The following TPH1 variants were observed in gnomAD, a reference collection of about 807,000 sequenced individuals.
TPH1 encodes tryptophan 5-hydroxylase 1.
TPH1 carries 37 observed loss-of-function variants against 49.5 expected under a neutral mutation model. The observed-to-expected ratio is 0.75, with a 90% confidence interval of 0.58 to 0.98. The LOEUF (loss-of-function observed/expected upper bound fraction) is 0.98. Ranked by LOEUF, TPH1 falls within the 50% of genes least tolerant of loss-of-function variation. TPH1 has a pLI of 0.00. For synonymous variants in TPH1, 160 were observed against 182.1 expected (o/e 0.88, Z 0.98); for missense variants, 487 against 523.6 (o/e 0.93, Z 0.68).
At chr11:18,038,662 T>C (rs1848070333) in intron 2 of TPH1, among the ~76,000 whole-genome samples, 1 of 152,106 alleles carries the variant, frequency 6.6e-6, no homozygotes, top group African/African-American at 2.4e-5. Flanking sequence ...GCACACAAGG[T>C]TGCAAAAAAA....
In TPH1 at chr11:18,022,778, G is replaced by A. The variant is rs780822220; in HGVS notation, c.1160+20C>T. 13 of 1,611,228 alleles carry A rather than the reference G, an allele frequency of 8.1e-6. No individual in the cohort carries two copies. The highest frequency in any genetic ancestry group is 1.6e-4 in the Middle Eastern group (1 of 6,074). ...ATCTTTCCCTGAAGAAAATGAAGGC[G>A]TGAAGAAGATATACTGTACCTCATC... On this transcript the variant is annotated intron_variant, in intron 10 of 10. Transcript: ENST00000682019.
chr11:18,025,837 C>T lies in TPH1; in HGVS notation c.804-136G>A. 3.8e-6 allele frequency: 5 copies of T among 1,332,462 alleles called. No homozygotes were observed. In the South Asian group the frequency reaches 6.2e-5, roughly 17 times the overall value. 82.5% of individuals were successfully genotyped at this position (1,332,462 alleles called of 1,614,324 possible). A position where few individuals can be genotyped will look rare whatever the true frequency, so the allele number is the denominator to read the frequency against. On this transcript the variant is annotated intron_variant, in intron 7 of 10. Transcript: ENST00000682019. ...CTTTAGTAATGGATCACAAAGGACA[C>T]TAATCAAATAAAGAAACAATTTTGG... is the stretch of plus-strand genomic sequence containing the variant.
intron 1 of TPH1, among the ~76,000 whole-genome samples, chr11:18,044,114 AT>A (rs1848120294): frequency 6.6e-6 from 1 of 152,166 alleles, no homozygotes; most frequent in Admixed American, 6.5e-5. Flanking sequence ...TATTATTTTG[AT>A]GTATTTAAAG....
intron 2 of TPH1, among the ~76,000 whole-genome samples, chr11:18,036,659 T>G (rs77686641): frequency 1.6e-3 from 237 of 152,284 alleles, no homozygotes; most frequent in Non-Finnish European, 3.0e-3. Flanking sequence ...CAAGTCAGCC[T>G]AAGATGGGGG....
intron 2 of TPH1, among the ~76,000 whole-genome samples, chr11:18,040,186 C>G (rs553338871): frequency 6.7e-6 from 1 of 148,762 alleles, no homozygotes; most frequent in Non-Finnish European, 1.5e-5. Context: ...CCCCATTTCT[C>G]GAAGTAGCTA....
chr11:18,035,129 G>A (rs1230148841), intron 3 of TPH1, among the ~76,000 whole-genome samples: 10 of 152,212 alleles, frequency 6.6e-5, no homozygotes, highest in South Asian at 4.1e-4. Context: ...AACAGGCCAC[G>A]GACGAGTCCC....
In TPH1 at chr11:18,018,231, T is replaced by A. The variant is rs1854317435; in HGVS notation, c.*2760A>T. On this transcript the variant is annotated 3_prime_UTR_variant, in exon 11 of 11. Coordinates refer to ENST00000682019, the MANE Select transcript of TPH1 (RefSeq NM_004179.3). ...TTTTAGTTCAATTCTGTTCTCACAT[T>A]TGGGTAACTATTTACATATTCCTAG... 6.6e-6 allele frequency: 1 copy of A among 152,032 alleles called. No individual in the cohort carries two copies. Among genetic ancestry groups the A allele is most frequent in the Non-Finnish European group, 1.5e-5 (1 of 68,012 alleles). The allele number at this position is 152,032 out of a possible 1,614,324, so 9.4% of individuals were successfully genotyped here.
chr11:18,044,802 G>A (rs1234227497), intron 1 of TPH1, among the ~76,000 whole-genome samples: 1 of 151,850 alleles, frequency 6.6e-6, no homozygotes, highest in South Asian at 2.1e-4. Context: ...AACCTGGTAA[G>A]ATAAAATAGG....
intron 1 of TPH1, among the ~76,000 whole-genome samples, chr11:18,045,081 T>G (rs751654149): frequency 5.3e-5 from 8 of 152,228 alleles, no homozygotes; most frequent in Non-Finnish European, 4.4e-5. Flanking sequence ...TCCCTTAGTT[T>G]AATCAGTAAA....
chr11:18,024,983 A>G lies in TPH1; in HGVS notation c.930+592T>C, dbSNP rs566165940. 6.6e-5 allele frequency among the ~76,000 whole-genome samples: 10 copies of G among 152,290 alleles called. No individual in the cohort carries two copies. The East Asian group carries it at 1.7e-3, about 26-fold the overall frequency. On this transcript the variant is annotated intron_variant, in intron 8 of 10. Coordinates refer to ENST00000682019, the MANE Select transcript of TPH1 (RefSeq NM_004179.3). ...GTCCTTCTCCCAGGAAACCTTCCCC[A>G]GGTTCTCTATGCTCCCAGAGCAATG...
chr11:18,026,714 C>T, intron 6 of TPH1, 89 bp from the exon 7 acceptor site: 1 of 1,491,006 alleles, frequency 6.7e-7, no homozygotes, highest in South Asian at 1.1e-5. Flanking sequence ...CACCAAGTAA[C>T]ACGTTGATGG....
intron 3 of TPH1, among the ~76,000 whole-genome samples, chr11:18,033,602 G>T (rs1163523492): frequency 6.6e-6 from 1 of 152,062 alleles, no homozygotes; most frequent in Non-Finnish European, 1.5e-5. Context: ...TCAGGTTGAT[G>T]TCTAAGTTTT....
At chr11:18,023,013 A>G (rs1378501955) in intron 9 of TPH1, 82 bp from the exon 10 acceptor site, 2 of 1,460,848 alleles carry the variant, frequency 1.4e-6, no homozygotes, top group Non-Finnish European at 9.5e-7. Flanking sequence ...GCTCACCTCT[A>G]AACATATTAC....
intron 1 of TPH1, among the ~76,000 whole-genome samples, chr11:18,041,906 A>G (rs1848101324): frequency 6.6e-6 from 1 of 152,250 alleles, no homozygotes; most frequent in African/African-American, 2.4e-5. Flanking sequence ...AAGTTAGGGC[A>G]GTAAAAATTT....
chr11:18,040,734 T>G lies in TPH1; in HGVS notation c.29A>C (p.Asp10Ala). 2.5e-6 allele frequency: 4 copies of G among 1,612,376 alleles called. No individual in the cohort carries two copies. Among genetic ancestry groups the G allele is most frequent in the Non-Finnish European group, 3.4e-6 (4 of 1,178,988 alleles). ...TGCTCTTCCCCTTTCTAAGGAATGG[T>G]CTTTGTTCTCCTTATTGTCTTCAAT... MIEDNKENK[D>A]HSLERGRASL... Residue 10 changes from aspartate (D) to alanine (A), a missense_variant, in exon 2 of 11, where the codon GAC becomes GCC. Asp to Ala is a moderately radical substitution (Grantham distance 126). Transcript: ENST00000682019.
intron 7 of TPH1, 119 bp downstream of exon 7, chr11:18,026,371 A>T: frequency 9.9e-7 from 1 of 1,005,492 alleles, no homozygotes; most frequent in Non-Finnish European, 1.5e-6. Flanking sequence ...CACATGTGCT[A>T]ATTTATTTAA....
intron 3 of TPH1, among the ~76,000 whole-genome samples, chr11:18,033,918 C>T (rs928103201): frequency 3.9e-5 from 6 of 152,158 alleles, no homozygotes; most frequent in African/African-American, 1.2e-4. Context: ...CCCTACCCTT[C>T]TGTTTTCCTG....
At chr11:18,031,332 T>C (rs564067665) in intron 4 of TPH1, among the ~76,000 whole-genome samples, 29 of 152,246 alleles carry the variant, frequency 1.9e-4, no homozygotes, top group Non-Finnish European at 4.3e-4. Context: ...TATTTGCTTA[T>C]ATAAATATAC....
Position 18,036,164 on chromosome 11 carries a change from G to C in TPH1, c.118-22C>G, listed in dbSNP as rs1031443550. On this transcript the variant is annotated intron_variant, in intron 2 of 10. Transcript: ENST00000682019. ...TCTCCTGTGTAAAGCACAGGGAAAAGATTTCATGTAACTGCCTCAAATGTT... is the reference window on the plus strand; with the variant it reads ...TCTCCTGTGTAAAGCACAGGGAAAACATTTCATGTAACTGCCTCAAATGTT... 8 of 1,590,926 alleles carry C rather than the reference G, an allele frequency of 5.0e-6. No homozygotes were observed. The African/African-American group carries it at 1.1e-4, about 21-fold the overall frequency.
Sources: gnomAD v4.1 joint callset for allele counts (sites outside exome capture counted in the v4.1 genomes callset) on GRCh38, gnomAD v4.1.1 for gene constraint, MANE v1.5 for transcripts, NCBI Gene and HGNC (gene_info 2026-07-23, HGNC 2026-07-21) for gene names.